POLI: variants seen among roughly 807,000 people sequenced by gnomAD.
POLI encodes DNA polymerase iota.
POLI carries 58 observed loss-of-function variants against 51.6 expected under a neutral mutation model. That is an observed-to-expected ratio of 1.12 (90% CI 0.91 to 1.40). POLI has a LOEUF of 1.40. Ranked by LOEUF, POLI falls within the 40% of genes most tolerant of loss-of-function variation. The pLI is 0.00. For missense variants in POLI, 921 were observed against 871.3 expected, an observed-to-expected ratio of 1.06 and a Z score of -0.72; for synonymous variants, 322 against 299.7, an observed-to-expected ratio of 1.07 and a Z score of -0.77.
chr18:54,293,818 A>G lies in POLI; in HGVS notation c.1574A>G (p.Glu525Gly). ...INEFPLCSLP[E>G]GVDQEVFKQL... ...GAATTCCCACTCTGTTCACTTCCTG[A>G]AGGTGTTGACCAAGAAGTCTTCAAG... The change falls in exon 10 of 10, where the codon GAA becomes GGA. Residue 525 changes from glutamate (E) to glycine (G), a missense_variant. Coordinates refer to ENST00000579534, the MANE Select transcript of POLI (RefSeq NM_007195.3). The G allele has an allele frequency of 6.2e-7, 1 of 1,609,602 alleles. No homozygotes were observed. The highest frequency in any genetic ancestry group is 8.5e-7 in the Non-Finnish European group (1 of 1,177,368).
intron 8 of POLI, among the ~76,000 whole-genome samples, chr18:54,288,225 T>G (rs2087835391): frequency 6.6e-6 from 1 of 152,228 alleles, no homozygotes; most frequent in Non-Finnish European, 1.5e-5. Context: ...ATAGTTGTTC[T>G]AGCGGTATAT....
chr18:54,295,911 G>GC lies in POLI; in HGVS notation c.*1446dup, dbSNP rs2088305815. 1 of 977,366 alleles carries GC rather than the reference G, an allele frequency of 1.0e-6. No individual in the cohort carries two copies. Among genetic ancestry groups the GC allele is most frequent in the African/African-American group, 1.8e-5 (1 of 57,108 alleles). 60.5% of individuals were successfully genotyped at this position (977,366 alleles called of 1,614,324 possible). On this transcript the variant is annotated 3_prime_UTR_variant, in exon 10 of 10. Coordinates refer to ENST00000579534, the MANE Select transcript of POLI (RefSeq NM_007195.3). ...CAAAGTGCTGGGATTACAGGTGTGAGCCATTGCTCCTGGCCCCAGCTCTGA... is the reference window on the plus strand; with the variant it reads ...CAAAGTGCTGGGATTACAGGTGTGAGCCCATTGCTCCTGGCCCCAGCTCTGA...
intron 4 of POLI, among the ~76,000 whole-genome samples, chr18:54,278,178 C>G (rs1032330583): frequency 1.3e-5 from 2 of 151,976 alleles, no homozygotes; most frequent in African/African-American, 4.8e-5. Flanking sequence ...AAAGCCATAC[C>G]CAGCTGGGCA....
At chr18:54,310,908 C>T (rs934324071) in intron 3 of POLI, among the ~76,000 whole-genome samples, 1 of 151,936 alleles carries the variant, frequency 6.6e-6, no homozygotes, top group Admixed American at 6.6e-5. Context: ...ACAGAATCAA[C>T]CACCAGATAA....
At chr18:54,279,046 T>G (rs2087376027) in intron 4 of POLI, among the ~76,000 whole-genome samples, 1 of 152,214 alleles carries the variant, frequency 6.6e-6, no homozygotes, top group Non-Finnish European at 1.5e-5. Flanking sequence ...TCAAATATAT[T>G]TCTGTATAAT....
chr18:54,274,179 C>A, intron 3 of POLI, 89 bp downstream of exon 3: 2 of 622,184 alleles, frequency 3.2e-6, no homozygotes, highest in Non-Finnish European at 4.8e-6. Flanking sequence ...TGTAAAATAA[C>A]ATAAGTCAAG....
intron 3 of POLI, among the ~76,000 whole-genome samples, chr18:54,314,989 TA>T (rs1479782819): frequency 6.6e-6 from 1 of 151,138 alleles, no homozygotes; most frequent in African/African-American, 2.4e-5. Flanking sequence ...TTTGGTTATT[TA>T]TTTTTTTATG....
At chr18:54,299,328 G>A (rs2088449490), downstream of POLI, among the ~76,000 whole-genome samples, 1 of 152,166 alleles carries the variant, frequency 6.6e-6, no homozygotes, top group Admixed American at 6.5e-5. Flanking sequence ...CCACCTACTG[G>A]GGAGGCTGAG....
downstream of POLI, among the ~76,000 whole-genome samples, chr18:54,301,823 T>G (rs954160195): frequency 6.6e-6 from 1 of 152,238 alleles, no homozygotes; most frequent in East Asian, 1.9e-4. Flanking sequence ...TTTTCATTTC[T>G]GCTATTTTGT....
intron 3 of POLI, among the ~76,000 whole-genome samples, chr18:54,306,969 A>G (rs2851877): frequency 6.6e-6 from 1 of 151,498 alleles, no homozygotes; most frequent in Admixed American, 6.6e-5. Flanking sequence ...CTCTCTTTTC[A>G]TCTTTATTAG....
Position 54,286,672 on chromosome 18 carries a change from G to A in POLI, c.1068-609G>A, listed in dbSNP as rs143214033. Among the ~76,000 whole-genome samples, 582 of 152,212 alleles carry A rather than the reference G, an allele frequency of 3.8e-3. 4 individuals are homozygous for A. Among genetic ancestry groups the A allele is most frequent in the African/African-American group, 0.013 (538 of 41,540 alleles). On this transcript the variant is annotated intron_variant, in intron 7 of 9. Transcript: ENST00000579534. ...AATTTGTTGCCTTTTGGTTAGGTGT[G>A]TTGGCTTACGTCTGTAATCCCAGCA...
At chr18:54,271,193 G>T in intron 1 of POLI, 167 bp from the exon 2 acceptor site, 2 of 532,666 alleles carry the variant, frequency 3.8e-6, no homozygotes, top group Non-Finnish European at 6.6e-6. Context: ...CCTACCCTAA[G>T]TGGAGTTTCA....
Position 54,294,470 on chromosome 18 carries a change from A to G in POLI, c.*3A>G. On this transcript the variant is annotated 3_prime_UTR_variant, in exon 10 of 10. Transcript: ENST00000579534. ...ATTTCCACATTGGACATAAATAAGCATATTCAGCAAAAAGGTCTGAAAAGC... is the reference window on the plus strand; with the variant it reads ...ATTTCCACATTGGACATAAATAAGCGTATTCAGCAAAAAGGTCTGAAAAGC... 1.3e-6 allele frequency: 2 copies of G among 1,574,390 alleles called. No homozygotes were observed. Among genetic ancestry groups the G allele is most frequent in the East Asian group, 2.2e-5 (1 of 44,546 alleles).
chr18:54,291,002 G>A (rs2087986323), intron 8 of POLI, among the ~76,000 whole-genome samples: 1 of 152,096 alleles, frequency 6.6e-6, no homozygotes, highest in African/African-American at 2.4e-5. Flanking sequence ...CCATTTTCAA[G>A]TTTTTCTTGA....
chr18:54,286,774 T>G (rs1205284103), intron 7 of POLI, among the ~76,000 whole-genome samples: 1 of 152,070 alleles, frequency 6.6e-6, no homozygotes, highest in African/African-American at 2.4e-5. Flanking sequence ...CAAAACCACC[T>G]CTCTACTAAA....
In POLI at chr18:54,297,946, G is replaced by A; in HGVS notation, c.*3479G>A. 1 of 981,994 alleles carries A rather than the reference G, an allele frequency of 1.0e-6. No homozygotes were observed. Among genetic ancestry groups the A allele is most frequent in the Non-Finnish European group, 1.2e-6 (1 of 826,870 alleles). 60.8% of individuals were successfully genotyped at this position (981,994 alleles called of 1,614,324 possible). A position where few individuals can be genotyped will look rare whatever the true frequency, so the allele number is the denominator to read the frequency against. On this transcript the variant is annotated 3_prime_UTR_variant, in exon 10 of 10. Coordinates refer to ENST00000579534, the MANE Select transcript of POLI (RefSeq NM_007195.3). ...TACCTTCTGAAATTATGTCCTTAGA[G>A]CTGTAGATTTAGAACTGACATCTCT...
rs1568150660 is a variant in POLI, at chr18:54,296,345, C to T, written c.*1878C>T. ...TACGGGCTATGTCACAGTTACGCTA[C>T]TTATTTTGTGGTTTTAAGTTAGTCT... On this transcript the variant is annotated 3_prime_UTR_variant, in exon 10 of 10. Transcript: ENST00000579534. The T allele has an allele frequency of 2.0e-6, 2 of 985,074 alleles. No individual in the cohort carries two copies. Among genetic ancestry groups the T allele is most frequent in the African/African-American group, 3.5e-5 (2 of 57,218 alleles). The allele number at this position is 985,074 out of a possible 1,614,324, so 61.0% of individuals were successfully genotyped here.
At chr18:54,311,700 G>A (rs912457483) in intron 3 of POLI, among the ~76,000 whole-genome samples, 11 of 152,184 alleles carry the variant, frequency 7.2e-5, no homozygotes, top group African/African-American at 2.7e-4. Flanking sequence ...CACACTCACA[G>A]AATCTGTATA....
At chr18:54,287,589 T>C in intron 8 of POLI, 178 bp downstream of exon 8, 2 of 496,802 alleles carry the variant, frequency 4.0e-6, no homozygotes, top group East Asian at 7.3e-5. Context: ...TATTTATTTA[T>C]TTATTTTTTG....
Sources: gnomAD v4.1 joint callset for allele counts (sites outside exome capture counted in the v4.1 genomes callset) on GRCh38, gnomAD v4.1.1 for gene constraint, MANE v1.5 for transcripts, NCBI Gene and HGNC (gene_info 2026-07-23, HGNC 2026-07-21) for gene names.